Variants in RASGEF1B observed in about 807,000 individuals in gnomAD.
RASGEF1B encodes the protein RasGEF domain family member 1B, also known as ras-GEF domain-containing family member 1B.
In RASGEF1B, 30 loss-of-function variants were observed where a neutral mutation model predicts 65.7. The observed-to-expected ratio is 0.46, with a 90% confidence interval of 0.34 to 0.62. The LOEUF is 0.62. Among genes scored for constraint, RASGEF1B ranks in the 20% least tolerant of loss-of-function variants. RASGEF1B has a pLI of 0.01. For missense variants in RASGEF1B, 495 were observed against 580.1 expected, an observed-to-expected ratio of 0.85 and a Z score of 1.51; for synonymous variants, 175 against 194.8, an observed-to-expected ratio of 0.90 and a Z score of 0.85.
At chr4:81,466,770 A>AAGAAGAAAGAAAGAAAG (rs1553947088) in intron 1 of RASGEF1B, among the ~76,000 whole-genome samples, 2 of 36,100 alleles carry the variant, frequency 5.5e-5, no homozygotes, top group East Asian at 1.4e-3. Flanking sequence ...AAAAAAAAAA[A>AAGAAGAAAGAAAGAAAG]AAAGAAAGAA....
rs546447900 is a variant in RASGEF1B at position 81,467,877 on chromosome 4, C to T, written c.-7+3893G>A. Among the ~76,000 whole-genome samples the T allele has an allele frequency of 9.9e-5, 15 of 152,206 alleles. 1 individual carries two copies. In the South Asian group the frequency reaches 2.9e-3, roughly 29 times the overall value. On this transcript the variant is annotated intron_variant, in intron 1 of 13. Coordinates refer to ENST00000264400, the MANE Select transcript of RASGEF1B (RefSeq NM_152545.3). ...TTCTGGATAATCAAAATCATCATTA[C>T]CTAATTGAGTGCTGTCAAAAAGAAC...
Position 81,431,904 on chromosome 4 carries a change from C to G in RASGEF1B, c.1397+395G>C, listed in dbSNP as rs562904018. Among the ~76,000 whole-genome samples the G allele has an allele frequency of 5.9e-5, 9 of 152,314 alleles. No homozygotes were observed. The South Asian group carries it at 1.9e-3, about 32-fold the overall frequency. On this transcript the variant is annotated intron_variant, in intron 13 of 13. Transcript: ENST00000264400. ...TCCACTTGGAAAGTGGCAAACCCAA[C>G]TTTATAAAGCCTACTAGTACTTCTT...
chr4:81,449,989 C>T (rs1722193457), intron 4 of RASGEF1B, among the ~76,000 whole-genome samples: 1 of 152,150 alleles, frequency 6.6e-6, no homozygotes, highest in Admixed American at 6.5e-5. Context: ...CATGGATCAC[C>T]CTAAAATCAC....
At chr4:81,459,261 G>A in intron 2 of RASGEF1B, 71 bp downstream of exon 2, 1 of 1,128,008 alleles carries the variant, frequency 8.9e-7, no homozygotes, top group Non-Finnish European at 1.2e-6. Flanking sequence ...TATTATCTAT[G>A]GTCCCTGCCT....
chr4:81,435,119 A>G (rs1721563012), intron 10 of RASGEF1B, among the ~76,000 whole-genome samples: 1 of 152,104 alleles, frequency 6.6e-6, no homozygotes, highest in Non-Finnish European at 1.5e-5. Context: ...TTAATAGAAT[A>G]CCTATCATTG....
intron 4 of RASGEF1B, 113 bp downstream of exon 4, chr4:81,456,538 C>T (rs1274839691): frequency 3.3e-6 from 4 of 1,228,254 alleles, no homozygotes; most frequent in Non-Finnish European, 4.8e-6. Flanking sequence ...AGGGCTTGCC[C>T]AAAGGCAAAA....
At chr4:81,430,368 T>C (rs1578607828) in intron 13 of RASGEF1B, among the ~76,000 whole-genome samples, 1 of 152,210 alleles carries the variant, frequency 6.6e-6, no homozygotes, top group East Asian at 1.9e-4. Context: ...ATTCTTCCAG[T>C]ACACCGAGGC....
intron 4 of RASGEF1B, chr4:81,455,770 GATATTT>G (rs1354882570): frequency 5.3e-5 from 8 of 152,160 alleles, no homozygotes; most frequent in African/African-American, 1.9e-4. Context: ...TGAGGGAAGT[GATATTT>G]ATGAAAGCCT....
intron 3 of RASGEF1B, 128 bp from the exon 4 acceptor site, chr4:81,456,916 G>A (rs1722464802): frequency 1.1e-5 from 9 of 790,246 alleles, no homozygotes; most frequent in Non-Finnish European, 1.6e-5. Flanking sequence ...AGAAGCTCCA[G>A]CCCCCCTCCC....
chr4:81,456,908 A>C (rs575635500), intron 3 of RASGEF1B, 120 bp from the exon 4 acceptor site: 5 of 867,314 alleles, frequency 5.8e-6, no homozygotes, highest in Non-Finnish European at 8.8e-6. Context: ...GATGAAGAAG[A>C]AGCTCCAGCC....
At chr4:81,458,647 G>A (rs945328134) in intron 2 of RASGEF1B, among the ~76,000 whole-genome samples, 1 of 152,198 alleles carries the variant, frequency 6.6e-6, no homozygotes, top group Non-Finnish European at 1.5e-5. Context: ...CTGCAGCACA[G>A]GGAAGGGGGA....
chr4:81,439,572 A>G (rs1249801345), intron 10 of RASGEF1B, among the ~76,000 whole-genome samples: 1 of 152,196 alleles, frequency 6.6e-6, no homozygotes, highest in Non-Finnish European at 1.5e-5. Context: ...ACTGAAGCCC[A>G]TGCAGAGAGA....
intron 4 of RASGEF1B, among the ~76,000 whole-genome samples, chr4:81,449,455 T>C (rs1021404302): frequency 8.5e-5 from 13 of 152,206 alleles, no homozygotes; most frequent in African/African-American, 1.4e-4. Context: ...GGCACAGCTA[T>C]GATATAAGTT....
intron 10 of RASGEF1B, among the ~76,000 whole-genome samples, chr4:81,435,221 C>A (rs997256089): frequency 6.6e-6 from 1 of 151,688 alleles, no homozygotes; most frequent in Non-Finnish European, 1.5e-5. Context: ...ACCATCCTGG[C>A]TAACAAGGTG....
chr4:81,441,384 A>G (rs1034001518), intron 9 of RASGEF1B, among the ~76,000 whole-genome samples: 2 of 152,192 alleles, frequency 1.3e-5, no homozygotes, highest in Non-Finnish European at 2.9e-5. Context: ...GTATGAATAG[A>G]TCATAACATT....
chr4:81,462,615 T>C (rs1246873971), intron 1 of RASGEF1B, among the ~76,000 whole-genome samples: 1 of 152,222 alleles, frequency 6.6e-6, no homozygotes, highest in African/African-American at 2.4e-5. Context: ...TTATGCACAA[T>C]AGTCTTATTT....
chr4:81,435,779 T>A (rs1037046545), intron 10 of RASGEF1B, among the ~76,000 whole-genome samples: 1 of 141,442 alleles, frequency 7.1e-6, no homozygotes, highest in Non-Finnish European at 1.5e-5. Context: ...CTGGCCTTTT[T>A]TTTTTTTTTT....
chr4:81,439,601 C>T (rs899015362), intron 10 of RASGEF1B, among the ~76,000 whole-genome samples: 1 of 152,216 alleles, frequency 6.6e-6, no homozygotes, highest in Non-Finnish European at 1.5e-5. Flanking sequence ...TGCCCTGCAA[C>T]ACAGAGAAGG....
At chr4:81,443,981 A>G (rs10008116) in intron 8 of RASGEF1B, among the ~76,000 whole-genome samples, 1 of 152,242 alleles carries the variant, frequency 6.6e-6, no homozygotes, top group East Asian at 1.9e-4. Context: ...TAGTGTATGC[A>G]ATGGTATTAA....
Sources: allele counts gnomAD v4.1 joint callset (sites outside exome capture counted in the v4.1 genomes callset), GRCh38; gene constraint gnomAD v4.1.1; transcripts MANE v1.5; gene names NCBI Gene and HGNC (gene_info 2026-07-23, HGNC 2026-07-21).